The following NELL2 variants were observed in gnomAD, a reference collection of about 807,000 sequenced individuals.
NELL2 encodes protein kinase C-binding protein NELL2.
In NELL2, 41 loss-of-function variants were observed where a neutral mutation model predicts 109.6. The ratio of observed to expected loss-of-function variants is 0.37; its 90% confidence interval spans 0.29 to 0.49. NELL2 has a LOEUF of 0.49. Among genes scored for constraint, NELL2 ranks in the 20% least tolerant of loss-of-function variants. The pLI is 0.98. For synonymous variants in NELL2, 355 were observed against 344.7 expected, an observed-to-expected ratio of 1.03 and a Z score of -0.33; for missense variants, 900 against 1,008.3, an observed-to-expected ratio of 0.89 and a Z score of 1.45.
intron 19 of NELL2, among the ~76,000 whole-genome samples, chr12:44,512,370 C>T (rs1054955329): frequency 6.6e-6 from 1 of 151,952 alleles, no homozygotes; most frequent in East Asian, 1.9e-4. Flanking sequence ...CCCTTGTGCA[C>T]TGTTGGTGGG....
chr12:44,552,193 T>G (rs1394669373), intron 15 of NELL2, among the ~76,000 whole-genome samples: 1 of 152,196 alleles, frequency 6.6e-6, no homozygotes, highest in Non-Finnish European at 1.5e-5. Context: ...TAATAACATT[T>G]TCAAGTACAG....
chr12:44,550,332 G>C (rs1942983487), intron 15 of NELL2, among the ~76,000 whole-genome samples: 1 of 151,156 alleles, frequency 6.6e-6, no homozygotes, highest in Non-Finnish European at 1.5e-5. Context: ...ATCTTGAAGA[G>C]ATATCTGAAC....
At chr12:44,676,501 C>T (rs1168643384) in intron 12 of NELL2, among the ~76,000 whole-genome samples, 2 of 152,084 alleles carry the variant, frequency 1.3e-5, no homozygotes, top group African/African-American at 4.8e-5. Context: ...GTATTAAAAA[C>T]TGTATTCATC....
At chr12:44,683,833 T>G (rs1430533213) in intron 12 of NELL2, among the ~76,000 whole-genome samples, 3 of 152,380 alleles carry the variant, frequency 2.0e-5, no homozygotes, top group South Asian at 2.1e-4. Context: ...AGTATTTTAT[T>G]GAGAATTTTT....
rs76641386 is a variant in NELL2, at chr12:44,749,792, T to C, written c.994+24955A>G. Among the ~76,000 whole-genome samples, 50 of 152,174 alleles carry C rather than the reference T, an allele frequency of 3.3e-4. 1 individual carries two copies. The East Asian group carries it at 8.7e-3, about 26-fold the overall frequency. ...TGCCATCATTCAAAATGTAATTATG[T>C]AGAAGGGCAAATAACACCATAAAAA... On this transcript the variant is annotated intron_variant, in intron 9 of 19. Transcript: ENST00000429094.
intron 12 of NELL2, among the ~76,000 whole-genome samples, chr12:44,681,605 C>G (rs1244622431): frequency 6.6e-6 from 1 of 151,392 alleles, no homozygotes; most frequent in Non-Finnish European, 1.5e-5. Context: ...CTGTGATGTT[C>G]CCCTCCCTGT....
At chr12:44,603,915 C>T (rs1164759616) in intron 15 of NELL2, among the ~76,000 whole-genome samples, 1 of 152,150 alleles carries the variant, frequency 6.6e-6, no homozygotes, top group Non-Finnish European at 1.5e-5. Flanking sequence ...GATGGCTCAG[C>T]AGATGGCCAC....
At chr12:44,547,834 C>A (rs1942864350) in intron 15 of NELL2, among the ~76,000 whole-genome samples, 2 of 152,170 alleles carry the variant, frequency 1.3e-5, no homozygotes, top group Admixed American at 6.5e-5. Flanking sequence ...ATGACTTTCT[C>A]TTTCTGGAAT....
intron 9 of NELL2, among the ~76,000 whole-genome samples, chr12:44,717,853 A>G (rs1938570249): frequency 6.6e-6 from 1 of 152,156 alleles, no homozygotes; most frequent in Admixed American, 6.5e-5. Context: ...GCTACTTGAA[A>G]CTAGCTGGCA....
intron 2 of NELL2, among the ~76,000 whole-genome samples, chr12:44,862,591 T>C (rs187734270): frequency 3.9e-4 from 60 of 152,358 alleles, no homozygotes; most frequent in African/African-American, 1.3e-3. Context: ...TCAGATTTGC[T>C]TCAGCCTCAA....
intron 9 of NELL2, among the ~76,000 whole-genome samples, chr12:44,746,312 G>C (rs962267439): frequency 6.6e-6 from 1 of 152,146 alleles, no homozygotes; most frequent in Non-Finnish European, 1.5e-5. Context: ...ATGGATTAAA[G>C]ACTTACATGT....
At chr12:44,634,180 T>C (rs763895309) in intron 13 of NELL2, among the ~76,000 whole-genome samples, 4 of 152,120 alleles carry the variant, frequency 2.6e-5, no homozygotes, top group Non-Finnish European at 5.9e-5. Context: ...ATTTCTTTTT[T>C]ATAAATACAT....
intron 2 of NELL2, among the ~76,000 whole-genome samples, chr12:44,864,133 A>C (rs564769736): frequency 6.6e-6 from 1 of 152,322 alleles, no homozygotes; most frequent in African/African-American, 2.4e-5. Flanking sequence ...AAAGGAAGAC[A>C]ACAAGAGAGG....
chr12:44,876,524 T>C (rs1945331612), upstream of NELL2: 3 of 1,411,058 alleles, frequency 2.1e-6, no homozygotes, highest in Admixed American at 2.6e-5. Context: ...CCTCTCTCGA[T>C]GACCCGGGCA....
At chr12:44,893,779 T>C (rs1272794182) in intron 1 of NELL2, among the ~76,000 whole-genome samples, 3 of 152,218 alleles carry the variant, frequency 2.0e-5, no homozygotes, top group African/African-American at 7.2e-5. Context: ...GAGCTATCAC[T>C]GAAGAATTTT....
chr12:44,855,593 T>G (rs1803430272), intron 2 of NELL2, among the ~76,000 whole-genome samples: 2 of 152,240 alleles, frequency 1.3e-5, no homozygotes, highest in South Asian at 4.1e-4. Context: ...CCAGTTTGTC[T>G]GGCTTATTTG....
chr12:44,593,849 T>C (rs1944853388), intron 15 of NELL2, among the ~76,000 whole-genome samples: 1 of 152,186 alleles, frequency 6.6e-6, no homozygotes, highest in African/African-American at 2.4e-5. Context: ...GTCTTGGCTA[T>C]ACGGGCTCAA....
chr12:44,538,637 A>G (rs943874563), intron 15 of NELL2, among the ~76,000 whole-genome samples: 1 of 152,250 alleles, frequency 6.6e-6, no homozygotes, highest in Admixed American at 6.5e-5. Flanking sequence ...GGGTAAGACT[A>G]GAGGCCATCT....
At chr12:44,783,102 A>G (rs866923515) in intron 3 of NELL2, among the ~76,000 whole-genome samples, 1 of 151,950 alleles carries the variant, frequency 6.6e-6, no homozygotes, top group Admixed American at 6.6e-5. Flanking sequence ...CAATCTCCAA[A>G]TGTTTTCAAG....
Sources: allele counts gnomAD v4.1 joint callset (sites outside exome capture counted in the v4.1 genomes callset), GRCh38; gene constraint gnomAD v4.1.1; transcripts MANE v1.5; gene names NCBI Gene and HGNC (gene_info 2026-07-23, HGNC 2026-07-21).